Variants in GRM8 observed in about 807,000 individuals in gnomAD.
GRM8 encodes glutamate metabotropic receptor 8.
GRM8 carries 47 observed loss-of-function variants against 87.2 expected under a neutral mutation model. The ratio of observed to expected loss-of-function variants is 0.54; its 90% CI spans 0.43 to 0.69. The LOEUF (loss-of-function observed/expected upper bound fraction) is 0.69. Ranked by LOEUF, GRM8 falls within the 30% of genes least tolerant of loss-of-function variation. The pLI is 0.00. For missense variants in GRM8, 1,019 were observed against 1,139.2 expected, an observed-to-expected ratio of 0.89 and a Z score of 1.52; for synonymous variants, 396 against 404.5, an observed-to-expected ratio of 0.98 and a Z score of 0.25.
At chr7:127,153,119 A>G (rs1355472978) in intron 2 of GRM8, among the ~76,000 whole-genome samples, 2 of 152,146 alleles carry the variant, frequency 1.3e-5, no homozygotes, top group African/African-American at 4.8e-5. Flanking sequence ...GAAATACTGT[A>G]TCTTTAGCAT....
chr7:127,231,854 G>T (rs1797702376), intron 2 of GRM8, among the ~76,000 whole-genome samples: 1 of 123,670 alleles, frequency 8.1e-6, no homozygotes, highest in Non-Finnish European at 1.7e-5. Flanking sequence ...AGCCAGAATT[G>T]GTGATTTTTT....
intron 3 of GRM8, among the ~76,000 whole-genome samples, chr7:126,984,177 T>C (rs1811816666): frequency 6.6e-6 from 1 of 152,208 alleles, no homozygotes; most frequent in African/African-American, 2.4e-5. Context: ...GATAGTTGTA[T>C]TATGTTAGGC....
intron 3 of GRM8, among the ~76,000 whole-genome samples, chr7:127,087,628 T>G (rs1481410390): frequency 6.6e-6 from 1 of 152,186 alleles, no homozygotes; most frequent in Non-Finnish European, 1.5e-5. Context: ...ATTTAATCAA[T>G]GGGCAAACAG....
At chr7:127,220,250 G>A (rs1196475331) in intron 2 of GRM8, among the ~76,000 whole-genome samples, 1 of 152,030 alleles carries the variant, frequency 6.6e-6, no homozygotes, top group East Asian at 1.9e-4. Flanking sequence ...CCAGCACATG[G>A]ACATATATGA....
At chr7:127,216,527 AAAAAAAAC>A (rs1231253368) in intron 2 of GRM8, among the ~76,000 whole-genome samples, 7 of 150,762 alleles carry the variant, frequency 4.6e-5, no homozygotes, top group African/African-American at 9.7e-5. Flanking sequence ...CAAAAAAAAA[AAAAAAAAC>A]AAAAAAAAAA....
chr7:126,604,966 T>C (rs1478442377), intron 8 of GRM8, among the ~76,000 whole-genome samples: 3 of 152,238 alleles, frequency 2.0e-5, no homozygotes, highest in Admixed American at 6.5e-5. Flanking sequence ...TTATCATTTA[T>C]ATTCAACTTA....
intron 8 of GRM8, among the ~76,000 whole-genome samples, chr7:126,607,075 A>T (rs1798435059): frequency 6.6e-6 from 1 of 152,256 alleles, no homozygotes; most frequent in Non-Finnish European, 1.5e-5. Flanking sequence ...AGACCTTGTC[A>T]AAACATTTCT....
At chr7:126,925,630 T>A (rs1246249743) in intron 3 of GRM8, among the ~76,000 whole-genome samples, 1 of 152,224 alleles carries the variant, frequency 6.6e-6, no homozygotes, top group Non-Finnish European at 1.5e-5. Context: ...CATAAATTAT[T>A]AATGTGCATG....
intron 6 of GRM8, among the ~76,000 whole-genome samples, chr7:126,874,053 A>C (rs1799332155): frequency 6.6e-6 from 1 of 152,086 alleles, no homozygotes; most frequent in Non-Finnish European, 1.5e-5. Flanking sequence ...AGTGTTAGTC[A>C]CTTTCATTCT....
intron 6 of GRM8, among the ~76,000 whole-genome samples, chr7:126,797,614 TG>T (rs1292743851): frequency 1.3e-5 from 2 of 152,138 alleles, no homozygotes; most frequent in African/African-American, 4.8e-5. Context: ...TGAAGTCTAC[TG>T]ACAATTCTCT....
intron 7 of GRM8, among the ~76,000 whole-genome samples, chr7:126,662,403 CA>C (rs1229586929): frequency 2.6e-5 from 4 of 151,174 alleles, no homozygotes; most frequent in East Asian, 3.9e-4. Flanking sequence ...AGGGAGGCTT[CA>C]AAAAAAAGTC....
At chr7:127,130,408 T>C (rs1352580124) in intron 2 of GRM8, among the ~76,000 whole-genome samples, 1 of 152,070 alleles carries the variant, frequency 6.6e-6, no homozygotes, top group African/African-American at 2.4e-5. Context: ...TGTTTAATGG[T>C]TTTGACAAAA....
chr7:127,204,107 A>C (rs1434486016), intron 2 of GRM8, among the ~76,000 whole-genome samples: 1 of 147,578 alleles, frequency 6.8e-6, no homozygotes, highest in Non-Finnish European at 1.5e-5. Flanking sequence ...CAAGCCATGC[A>C]GTTAATGTAC....
chr7:126,717,035 T>C (rs1262242951), intron 7 of GRM8, among the ~76,000 whole-genome samples: 5 of 152,050 alleles, frequency 3.3e-5, no homozygotes, highest in Non-Finnish European at 5.9e-5. Context: ...CCTGAAGAAA[T>C]AGGGAGTAAG....
chr7:127,085,397 C>T (rs555449822), intron 3 of GRM8, among the ~76,000 whole-genome samples: 2 of 152,308 alleles, frequency 1.3e-5, no homozygotes, highest in African/African-American at 4.8e-5. Flanking sequence ...CACTGTCTTC[C>T]ACAATGGTTG....
chr7:127,004,870 TA>T (rs1158184440), intron 3 of GRM8, among the ~76,000 whole-genome samples: 1 of 151,612 alleles, frequency 6.6e-6, no homozygotes, highest in African/African-American at 2.4e-5. Flanking sequence ...GTCATTAACT[TA>T]AAAAATTAAA....
At chr7:126,740,547 C>A (rs1814834893) in intron 7 of GRM8, among the ~76,000 whole-genome samples, 1 of 152,060 alleles carries the variant, frequency 6.6e-6, no homozygotes, top group Non-Finnish European at 1.5e-5. Flanking sequence ...GTGCTGATAA[C>A]TGAAACAAAA....
rs1802876554 is a variant in GRM8, at chr7:126,644,932, CT to C, written c.1358-35435del. ...TACACTCTCCCCAGTGTTATTGAAA[CT>C]GCCTTTGCAAAATCATGATAGCAAG... On this transcript the variant is annotated intron_variant, in intron 7 of 10. Coordinates refer to ENST00000339582, the MANE Select transcript of GRM8 (RefSeq NM_000845.3). Among the ~76,000 whole-genome samples the C allele has an allele frequency of 2.0e-5, 3 of 152,364 alleles. 1 individual carries two copies. In the East Asian group the frequency reaches 5.8e-4, roughly 29 times the overall value.
chr7:127,037,831 CCG>C (rs1817986934), intron 3 of GRM8, among the ~76,000 whole-genome samples: 1 of 110,108 alleles, frequency 9.1e-6, no homozygotes, highest in Non-Finnish European at 2.0e-5. Context: ...GCATGCGCAT[CCG>C]TGTGTGTGTG....
Sources: gnomAD v4.1 joint callset for allele counts (sites outside exome capture counted in the v4.1 genomes callset) on GRCh38, gnomAD v4.1.1 for gene constraint, MANE v1.5 for transcripts, NCBI Gene and HGNC (gene_info 2026-07-23, HGNC 2026-07-21) for gene names.